The following JUP variants were observed in gnomAD, a reference collection of about 807,000 sequenced individuals.
JUP encodes catenin (cadherin-associated protein), gamma 80kDa.
In JUP, 28 loss-of-function variants were observed where a neutral mutation model predicts 71.1. The observed-to-expected ratio is 0.39, with a 90% CI of 0.29 to 0.54. The LOEUF is 0.54. JUP is among the 20% of genes least tolerant of loss of function. JUP has a pLI of 0.62. For synonymous variants in JUP, 401 were observed against 438.9 expected (o/e 0.91, Z 1.08); for missense variants, 869 against 1,030.1 (o/e 0.84, Z 2.14).
At position 41,782,927 on chromosome 17, in the gene JUP, T is replaced by C. The variant is rs565195136; in HGVS notation, c.-9+3661A>G. Among the ~76,000 whole-genome samples the C allele has an allele frequency of 2.0e-5, 3 of 152,030 alleles. No individual in the cohort carries two copies. In the East Asian group the frequency reaches 5.8e-4, roughly 29 times the overall value. ...TCCTGACCAACATGGTGAAACCCCATCTCTACTAAAAATACAAAAATTAGC... is the reference window on the plus strand; with the variant it reads ...TCCTGACCAACATGGTGAAACCCCACCTCTACTAAAAATACAAAAATTAGC... On this transcript the variant is annotated intron_variant, in intron 1 of 13. Transcript: ENST00000393931.
Position 41,768,955 on chromosome 17 carries a change from G to A in JUP, c.707+14C>T, listed in dbSNP as rs1313165709. 5 of 1,586,194 alleles carry A rather than the reference G, an allele frequency of 3.2e-6. No homozygotes were observed. The Admixed American group carries it at 8.7e-5, about 27-fold the overall frequency. ...AGGGGGTCCTGGGCTCATGCAGTGA[G>A]CAGGGTTGGGTACCTGAGCATGCGG... On this transcript the variant is annotated intron_variant, in intron 4 of 13. Transcript: ENST00000393931.
chr17:41,776,480 C>T (rs995570383), intron 1 of JUP, among the ~76,000 whole-genome samples: 10 of 152,160 alleles, frequency 6.6e-5, no homozygotes, highest in Admixed American at 5.9e-4. Context: ...TTTTGGAAGG[C>T]GGAGGTGGGA....
rs1050098249 is a variant in JUP, at chr17:41,764,544, A to G, written c.1158+169T>C. ...AGTGAGACTCCGTCAGAAAAAAAAAAAAAAAAAAAAAAAGAGATGAGGGTT... is the reference window on the plus strand; with the variant it reads ...AGTGAGACTCCGTCAGAAAAAAAAAGAAAAAAAAAAAAAGAGATGAGGGTT... On this transcript the variant is annotated intron_variant, in intron 7 of 13. Transcript: ENST00000393931. Among the ~76,000 whole-genome samples, 567 of 150,976 alleles carry G rather than the reference A, an allele frequency of 3.8e-3. 4 individuals carry two copies. Among genetic ancestry groups the G allele is most frequent in the African/African-American group, 0.013 (533 of 41,140 alleles).
rs200222165 is a variant in JUP at position 41,755,726 on chromosome 17, G to T, written c.*18C>A. On this transcript the variant is annotated 3_prime_UTR_variant, in exon 14 of 14. Transcript: ENST00000393931. ...AGGAAAAGCCTGCAAAGAGGGGGCC[G>T]TACTGGGGCCAGGCCGCCTAGGCCA... 436 of 1,558,512 alleles carry T rather than the reference G, an allele frequency of 2.8e-4. 2 individuals are homozygous for T. Among genetic ancestry groups the T allele is most frequent in the Non-Finnish European group, 7.2e-5 (83 of 1,148,414 alleles).
At chr17:41,762,070 C>CA (rs1447430113) in intron 8 of JUP, among the ~76,000 whole-genome samples, 5 of 134,608 alleles carry the variant, frequency 3.7e-5, no homozygotes, top group East Asian at 4.4e-4. Flanking sequence ...CTCAAAACAA[C>CA]AAAAAAAAGA....
At position 41,755,599 on chromosome 17, in the gene JUP, C is replaced by T. The variant is rs1243873875; in HGVS notation, c.*145G>A. On this transcript the variant is annotated 3_prime_UTR_variant, in exon 14 of 14. Coordinates refer to ENST00000393931, the MANE Select transcript of JUP (RefSeq NM_002230.4). ...AAGAAGAAGGCAGGCCAGGGCACACCGTGCTTGGGGAAGCTCAGCAGCAAA... is the reference window on the plus strand; with the variant it reads ...AAGAAGAAGGCAGGCCAGGGCACACTGTGCTTGGGGAAGCTCAGCAGCAAA... 9.0e-6 allele frequency: 7 copies of T among 777,092 alleles called. No individual in the cohort carries two copies. Among genetic ancestry groups the T allele is most frequent in the African/African-American group, 1.7e-5 (1 of 57,374 alleles). The allele number at this position is 777,092 out of a possible 1,614,324, so 48.1% of individuals were successfully genotyped here.
intron 8 of JUP, among the ~76,000 whole-genome samples, chr17:41,762,160 A>AGT (rs1914942447): frequency 8.4e-5 from 9 of 107,508 alleles, no homozygotes; most frequent in African/African-American, 3.2e-4. Context: ...AGAGAGAGAG[A>AGT]GAGAGAGAGA....
chr17:41,758,540 G>T (rs1555599573), intron 9 of JUP, 22 bp from the exon 10 acceptor site: 1 of 1,603,124 alleles, frequency 6.2e-7, no homozygotes, highest in Non-Finnish European at 8.5e-7. Flanking sequence ...GAGGCAGGGG[G>T]CATGGGACAG....
At position 41,756,081 on chromosome 17, in the gene JUP, C is replaced by T. The variant is rs2143381088; in HGVS notation, c.2086+94G>A. On this transcript the variant is annotated intron_variant, in intron 13 of 13. Coordinates refer to ENST00000393931, the MANE Select transcript of JUP (RefSeq NM_002230.4). Reference sequence around the variant, plus strand: ...ATGCCACACAGCAGTTGCCACTGGTCCTCTGGCCCCGGAGACATAATATTG... The same window carrying T: ...ATGCCACACAGCAGTTGCCACTGGTTCTCTGGCCCCGGAGACATAATATTG... 4 of 1,390,708 alleles carry T rather than the reference C, an allele frequency of 2.9e-6. No individual in the cohort carries two copies. The South Asian group carries it at 4.8e-5, about 17-fold the overall frequency. The allele number at this position is 1,390,708 out of a possible 1,614,324, so 86.1% of individuals were successfully genotyped here. A position where few individuals can be genotyped will look rare whatever the true frequency, so the allele number is the denominator to read the frequency against.
intron 1 of JUP, among the ~76,000 whole-genome samples, chr17:41,779,697 G>A (rs1356845378): frequency 1.3e-5 from 2 of 151,110 alleles, no homozygotes; most frequent in South Asian, 2.1e-4. Context: ...ACAAGGTCTC[G>A]CTCTGTTGCC....
chr17:41,773,749 C>T (rs1396349603), intron 1 of JUP, among the ~76,000 whole-genome samples: 2 of 152,164 alleles, frequency 1.3e-5, no homozygotes, highest in African/African-American at 2.4e-5. Context: ...AAATCCTGAG[C>T]TCCTCGTGCT....
rs149148171 is a variant in JUP, at chr17:41,757,516, G to A, written c.1945C>T (p.Leu649=). 111 of 1,614,098 alleles carry A rather than the reference G, an allele frequency of 6.9e-5. No individual in the cohort carries two copies. Among genetic ancestry groups the A allele is most frequent in the Non-Finnish European group, 8.8e-5 (104 of 1,180,052 alleles). Residue 649 remains leucine, a synonymous_variant, in exon 12 of 14, where the codon CTG becomes TTG. Transcript: ENST00000393931. The part of the protein sequence containing the change: ...EGTATYAAAV[L]FRISEDKNPD... Reference sequence around the variant, plus strand: ...TTCTTGTCCTCGGAGATGCGGAACAGGACGGCAGCAGCGTAGGTGGCTGAG... The same window carrying A: ...TTCTTGTCCTCGGAGATGCGGAACAAGACGGCAGCAGCGTAGGTGGCTGAG...
chr17:41,764,766 C>G lies in JUP; in HGVS notation c.1105G>C (p.Val369Leu). 1 of 1,613,576 alleles carries G rather than the reference C, an allele frequency of 6.2e-7. No individual in the cohort carries two copies. Among genetic ancestry groups the G allele is most frequent in the Non-Finnish European group, 8.5e-7 (1 of 1,179,984 alleles). Residue 369 changes from valine to leucine, a missense_variant, in exon 7 of 14, where the codon GTG becomes CTG. Coordinates refer to ENST00000393931, the MANE Select transcript of JUP (RefSeq NM_002230.4). ...CGCAGGGTCCACAGGCAGTTCTGCA[C>G]CAGGCGGGGGCTGTTGCTGGTCAGG... ...KHLTSNSPRL[V>L]QNCLWTLRNL...
In JUP at chr17:41,767,479, A is replaced by T. The variant is rs794729040; in HGVS notation, c.809T>A (p.Leu270Gln). ...AKMAVRLADG[L>Q]QKMVPLLNKN... ...GTTGAGCAGGGGCACCATCTTTTGCAGCCCGTCGGCCAGGCGCACGGCCAT... is the reference window on the plus strand; with the variant it reads ...GTTGAGCAGGGGCACCATCTTTTGCTGCCCGTCGGCCAGGCGCACGGCCAT... Residue 270 changes from leucine (L) to glutamine (Q), a missense_variant, in exon 5 of 14, where the codon CTG (leucine) becomes CAG (glutamine). Transcript: ENST00000393931. 175 of 1,613,730 alleles carry T rather than the reference A, an allele frequency of 1.1e-4. No individual in the cohort carries two copies. The highest frequency in any genetic ancestry group is 1.4e-4 in the Non-Finnish European group (161 of 1,179,938).
intron 8 of JUP, among the ~76,000 whole-genome samples, chr17:41,760,978 C>G (rs1301315293): frequency 6.6e-6 from 1 of 152,180 alleles, no homozygotes; most frequent in East Asian, 1.9e-4. Context: ...GCACCAGATG[C>G]CACCTTGCCT....
intron 1 of JUP, among the ~76,000 whole-genome samples, chr17:41,774,997 G>A (rs556447242): frequency 6.6e-6 from 1 of 152,070 alleles, no homozygotes; most frequent in East Asian, 1.9e-4. Context: ...CAGCTACTCG[G>A]GAGGCTGGGG....
At chr17:41,782,597 C>T (rs1282905001) in intron 1 of JUP, among the ~76,000 whole-genome samples, 1 of 152,092 alleles carries the variant, frequency 6.6e-6, no homozygotes, top group Admixed American at 6.6e-5. Flanking sequence ...TCTCAACCTC[C>T]CCCCAACACT....
rs1567809354 is a variant in JUP at position 41,762,988 on chromosome 17, C to T, written c.1492G>A (p.Val498Ile). ...CCCTCGCCTAACAGCAGTACCTTGA[C>T]CAGTGGCCACTGGTTGGGCTGGTTG... ...LLNQPNQWPL[V>I]KATIGLIRNL... Residue 498 changes from valine to isoleucine, a missense_variant, in exon 8 of 14, where the codon GTC becomes ATC. Transcript: ENST00000393931. The T allele has an allele frequency of 1.2e-6, 2 of 1,613,908 alleles. No individual in the cohort carries two copies. Among genetic ancestry groups the T allele is most frequent in the South Asian group, 1.1e-5 (1 of 91,070 alleles).
chr17:41,785,573 G>T (rs782265936), intron 1 of JUP, among the ~76,000 whole-genome samples: 1 of 152,236 alleles, frequency 6.6e-6, no homozygotes, highest in Admixed American at 6.5e-5. Flanking sequence ...CCGGCTGGGG[G>T]AAGGGGTTTT....
Sources: gnomAD v4.1 joint callset for allele counts (sites outside exome capture counted in the v4.1 genomes callset) on GRCh38, gnomAD v4.1.1 for gene constraint, MANE v1.5 for transcripts, NCBI Gene and HGNC (gene_info 2026-07-23, HGNC 2026-07-21) for gene names.